The following PPP4R3B variants were observed in gnomAD, a reference collection of about 807,000 sequenced individuals.
PPP4R3B encodes protein phosphatase 4 regulatory subunit 3B.
A neutral mutation model predicts 95.4 loss-of-function variants in PPP4R3B; 52 were observed. That is an observed-to-expected ratio of 0.54 (90% confidence interval 0.44 to 0.69). PPP4R3B has a LOEUF of 0.69. Among genes scored for constraint, PPP4R3B ranks in the 30% least tolerant of loss-of-function variants. PPP4R3B has a pLI of 0.00. For synonymous variants in PPP4R3B, 407 were observed against 343.9 expected, an observed-to-expected ratio of 1.18 and a Z score of -2.03; for missense variants, 1,003 against 1,005.9, an observed-to-expected ratio of 1.00 and a Z score of 0.04.
chr2:55,597,798 T>C (rs1334985412), intron 4 of PPP4R3B, among the ~76,000 whole-genome samples: 1 of 152,076 alleles, frequency 6.6e-6, no homozygotes, highest in African/African-American at 2.4e-5. Context: ...CAAAACTCCA[T>C]CTCAAAAAAT....
intron 2 of PPP4R3B, 113 bp downstream of exon 2, chr2:55,615,338 T>C (rs1322356656): frequency 4.8e-6 from 4 of 833,356 alleles, no homozygotes; most frequent in Non-Finnish European, 7.6e-6. Context: ...CACATGATCT[T>C]TGTTTACCAA....
Position 55,564,987 on chromosome 2 carries a change from C to CT in PPP4R3B, c.1989_1990insA (p.Glu664ArgfsTer4). Reference sequence around the variant, plus strand: ...AATGTCTGAACATATTCAATCGATTCAAGTGCTTTATAAAAGTTTTCAACT... The same window carrying CT: ...AATGTCTGAACATATTCAATCGATTCTAAGTGCTTTATAAAAGTTTTCAACT... On this transcript the variant is annotated frameshift_variant, in exon 14 of 17. Coordinates refer to ENST00000616407, the MANE Select transcript of PPP4R3B (RefSeq NM_001122964.3). LOFTEE classifies it high-confidence loss of function. 1 of 1,610,062 alleles carries CT rather than the reference C, an allele frequency of 6.2e-7. No homozygotes were observed. Among genetic ancestry groups the CT allele is most frequent in the Non-Finnish European group, 8.5e-7 (1 of 1,178,402 alleles).
chr2:55,594,073 T>C (rs1250834590), intron 4 of PPP4R3B, among the ~76,000 whole-genome samples: 1 of 152,154 alleles, frequency 6.6e-6, no homozygotes, highest in African/African-American at 2.4e-5. Context: ...GAAAATCATA[T>C]ATCGCATGTT....
intron 13 of PPP4R3B, among the ~76,000 whole-genome samples, chr2:55,567,815 TTGAC>T (rs1436635533): frequency 2.0e-5 from 3 of 152,206 alleles, no homozygotes; most frequent in Non-Finnish European, 4.4e-5. Flanking sequence ...TAAGGCATGA[TTGAC>T]TGAAATGTCC....
At chr2:55,572,654 TA>T (rs1415547300) in intron 12 of PPP4R3B, among the ~76,000 whole-genome samples, 2 of 152,152 alleles carry the variant, frequency 1.3e-5, no homozygotes, top group African/African-American at 4.8e-5. Flanking sequence ...AGAGATACAT[TA>T]AAAAGTATAA....
intron 14 of PPP4R3B, 39 bp from the exon 15 acceptor site, chr2:55,564,536 A>C: frequency 6.5e-7 from 1 of 1,527,000 alleles, no homozygotes; most frequent in Non-Finnish European, 8.8e-7. Context: ...TAATGATTTA[A>C]AGTTCATCAT....
intron 3 of PPP4R3B, among the ~76,000 whole-genome samples, chr2:55,601,069 T>A (rs964468450): frequency 2.1e-5 from 3 of 144,972 alleles, no homozygotes; most frequent in Non-Finnish European, 4.5e-5. Flanking sequence ...CCCTTCAGCC[T>A]GGGAGGCAGA....
intron 8 of PPP4R3B, among the ~76,000 whole-genome samples, chr2:55,581,261 A>G (rs1457971449): frequency 1.3e-5 from 2 of 152,196 alleles, no homozygotes; most frequent in East Asian, 1.9e-4. Context: ...CAAAAAAATA[A>G]TAATAATTTT....
At position 55,585,150 on chromosome 2, in the gene PPP4R3B, T is replaced by G; in HGVS notation, c.1134A>C (p.Gln378His). ...LEIVMGMDDL[Q>H]VRSAATDIFS... Reference sequence around the variant, plus strand: ...ATATATCTGTAGCAGCTGATCTGACTTGCAAATCATCCATGCCCTGATAAA... The same window carrying G: ...ATATATCTGTAGCAGCTGATCTGACGTGCAAATCATCCATGCCCTGATAAA... Residue 378 changes from glutamine to histidine, a missense_variant, in exon 7 of 17, where the codon CAA (glutamine) becomes CAC (histidine). Physicochemically the swap from Gln to His is conservative, Grantham distance 24 (BLOSUM62 0). Transcript: ENST00000616407. 1.9e-6 allele frequency: 3 copies of G among 1,608,500 alleles called. No homozygotes were observed. In the South Asian group the frequency reaches 3.4e-5, roughly 18 times the overall value.
At chr2:55,559,998 T>C (rs1686383348) in intron 15 of PPP4R3B, among the ~76,000 whole-genome samples, 1 of 152,160 alleles carries the variant, frequency 6.6e-6, no homozygotes, top group Non-Finnish European at 1.5e-5. Context: ...GGTGCACACC[T>C]ATAATCCCAG....
rs1445310585 is a variant in PPP4R3B, at chr2:55,565,188, CAT to C, written c.1936-149_1936-148del. 20 of 604,338 alleles carry C rather than the reference CAT, an allele frequency of 3.3e-5. No individual in the cohort carries two copies. The Middle Eastern group carries it at 1.4e-3, about 41-fold the overall frequency. 37.4% of individuals were successfully genotyped at this position (604,338 alleles called of 1,614,324 possible). On this transcript the variant is annotated intron_variant, in intron 13 of 16. Transcript: ENST00000616407. ...AATGTAATGTCCTGGTTTCTTTACA[CAT>C]GAGTCAGGACTGCACAGAAAACTTG...
chr2:55,555,236 C>T (rs1230019446), intron 16 of PPP4R3B, among the ~76,000 whole-genome samples: 9 of 147,268 alleles, frequency 6.1e-5, no homozygotes, highest in East Asian at 2.0e-4. Context: ...GCCAAGATTG[C>T]GCCACCGCAC....
At chr2:55,599,934 C>T (rs926720732) in intron 3 of PPP4R3B, among the ~76,000 whole-genome samples, 1 of 152,180 alleles carries the variant, frequency 6.6e-6, no homozygotes, top group African/African-American at 2.4e-5. Context: ...AATGTCTATA[C>T]CATTTCCTAA....
intron 14 of PPP4R3B, 142 bp from the exon 15 acceptor site, chr2:55,564,639 TAGA>T: frequency 1.3e-6 from 1 of 799,002 alleles, no homozygotes; most frequent in East Asian, 2.8e-5. Context: ...TCTGTAATGA[TAGA>T]AGATGTAGCC....
chr2:55,575,369 C>T (rs1186399181), intron 11 of PPP4R3B, among the ~76,000 whole-genome samples: 2 of 152,184 alleles, frequency 1.3e-5, no homozygotes, highest in Admixed American at 1.3e-4. Context: ...GCATCCTGAA[C>T]ATCAAATTTT....
intron 2 of PPP4R3B, among the ~76,000 whole-genome samples, chr2:55,609,197 A>C (rs1693833549): frequency 6.6e-6 from 1 of 151,918 alleles, no homozygotes; most frequent in African/African-American, 2.4e-5. Context: ...AAAAGGCTGG[A>C]GTGCAGTTGG....
chr2:55,553,198 C>T (rs147481058), intron 16 of PPP4R3B, among the ~76,000 whole-genome samples: 4 of 152,122 alleles, frequency 2.6e-5, no homozygotes, highest in Admixed American at 2.6e-4. Context: ...ATGGGTAAGG[C>T]CAGGCTGAAA....
Position 55,568,901 on chromosome 2 carries a change from C to T in PPP4R3B, c.1766-538G>A, listed in dbSNP as rs536635899. ...GCTTGTTTTCAGTTTTCTGAAAATACAGCTAAAGTGTGGGCAGCAAGCCAC... is the reference window on the plus strand; with the variant it reads ...GCTTGTTTTCAGTTTTCTGAAAATATAGCTAAAGTGTGGGCAGCAAGCCAC... On this transcript the variant is annotated intron_variant, in intron 12 of 16. Coordinates refer to ENST00000616407, the MANE Select transcript of PPP4R3B (RefSeq NM_001122964.3). Among the ~76,000 whole-genome samples the T allele has an allele frequency of 1.3e-5, 2 of 152,226 alleles. 1 individual carries two copies. Among genetic ancestry groups the T allele is most frequent in the South Asian group, 4.1e-4 (2 of 4,828 alleles).
chr2:55,558,976 A>C lies in PPP4R3B; in HGVS notation c.2261-8T>G. 6.2e-7 allele frequency: 1 copy of C among 1,600,130 alleles called. No homozygotes were observed. Among genetic ancestry groups the C allele is most frequent in the Middle Eastern group, 1.7e-4 (1 of 5,880 alleles). ...TGTCTTCACTTTCTTTTGCTAAAGC[A>C]AAAGTAAAATTTTGAACGTATATCA... On this transcript the variant is annotated splice_region_variant and splice_polypyrimidine_tract_variant and intron_variant, in intron 15 of 16. Transcript: ENST00000616407.
Sources: gnomAD v4.1 joint callset for allele counts (sites outside exome capture counted in the v4.1 genomes callset) on GRCh38, gnomAD v4.1.1 for gene constraint, MANE v1.5 for transcripts, NCBI Gene and HGNC (gene_info 2026-07-23, HGNC 2026-07-21) for gene names.